The following TSHZ3 variants were observed in gnomAD, a reference collection of about 807,000 sequenced individuals.
The protein encoded by TSHZ3 is teashirt zinc finger homeobox 3, also known as teashirt homolog 3.
Under a neutral mutation model 64.5 loss-of-function variants are expected in TSHZ3, and 10 were observed. That is an observed-to-expected ratio of 0.16 (90% confidence interval 0.10 to 0.26). The LOEUF (loss-of-function observed/expected upper bound fraction) is 0.26. Ranked by LOEUF, TSHZ3 falls within the 10% of genes least tolerant of loss-of-function variation. The probability of loss-of-function intolerance (pLI) is 1.00; values close to 1 mark genes in which losing one functional copy is unlikely to be tolerated. For missense variants in TSHZ3, 1,242 were observed against 1,421.7 expected, an observed-to-expected ratio of 0.87 and a Z score of 2.03; for synonymous variants, 608 against 593.1, an observed-to-expected ratio of 1.03 and a Z score of -0.36.
intron 1 of TSHZ3, among the ~76,000 whole-genome samples, chr19:31,341,625 T>A (rs867894716): frequency 2.3e-5 from 3 of 131,326 alleles, no homozygotes; most frequent in East Asian, 4.8e-4. Context: ...TCTCTCTCTC[T>A]CTCTGACACA....
At chr19:31,269,724 C>T (rs1221688093) in intron 1 of TSHZ3, among the ~76,000 whole-genome samples, 1 of 152,164 alleles carries the variant, frequency 6.6e-6, no homozygotes, top group Non-Finnish European at 1.5e-5. Context: ...TGTTGAAATG[C>T]AGTAATTTAA....
chr19:31,279,407 G>A lies in TSHZ3; in HGVS notation c.386C>T (p.Ser129Phe). 1.2e-6 allele frequency: 2 copies of A among 1,614,236 alleles called. No homozygotes were observed. The highest frequency in any genetic ancestry group is 1.1e-5 in the South Asian group (1 of 91,084). The part of the protein sequence containing the change: ...KAVYNNFLSN[S>F]YWSNLNLNLH... Reference sequence around the variant, plus strand: ...GTTGAGGTTGAGGTTGGACCAGTAGGAGTTGGAGAGGAAGTTGTTGTACAC... The same window carrying A: ...GTTGAGGTTGAGGTTGGACCAGTAGAAGTTGGAGAGGAAGTTGTTGTACAC... The change falls in exon 2 of 2, where the codon TCC becomes TTC. Residue 129 changes from serine to phenylalanine, a missense_variant. Coordinates refer to ENST00000240587, the MANE Select transcript of TSHZ3 (RefSeq NM_020856.4). This position sits in a 1 kb window ranked among gnomAD's most constrained non-coding sequence, Gnocchi z 6.4.
Position 31,266,536 on chromosome 19 carries a change from G to T in TSHZ3, n.64-23661C>A, listed in dbSNP as rs548710341. Among the ~76,000 whole-genome samples, 4 of 152,188 alleles carry T rather than the reference G, an allele frequency of 2.6e-5. No homozygotes were observed. In the South Asian group the frequency reaches 8.3e-4, roughly 32 times the overall value. ...CCAGAAATTATTCAAGATGCACAAA[G>T]ATTCACCTACGAGCCCATTAACACG... On this transcript the variant is annotated intron_variant and non_coding_transcript_variant, in intron 1 of 6. Coordinates refer to the TSHZ3 transcript ENST00000651361.
chr19:31,171,866 A>G (rs1394626158), intron 5 of TSHZ3, among the ~76,000 whole-genome samples: 3 of 152,146 alleles, frequency 2.0e-5, no homozygotes, highest in African/African-American at 4.8e-5. Context: ...CTCAGAGGCC[A>G]GAGTTCCCTG....
chr19:31,197,686 A>T (rs910417420), intron 5 of TSHZ3, among the ~76,000 whole-genome samples: 1 of 152,006 alleles, frequency 6.6e-6, no homozygotes, highest in African/African-American at 2.4e-5. Flanking sequence ...ATCTATGTCC[A>T]CAAATTGGTA....
intron 5 of TSHZ3, among the ~76,000 whole-genome samples, chr19:31,169,804 G>C (rs567941518): frequency 2.6e-5 from 4 of 152,140 alleles, no homozygotes; most frequent in Non-Finnish European, 4.4e-5. Context: ...AAGACAGAAG[G>C]AATATCTGGG....
Position 31,161,199 on chromosome 19 carries a change from A to G in TSHZ3, n.810-4782T>C, listed in dbSNP as rs373226309. On this transcript the variant is annotated intron_variant and non_coding_transcript_variant, in intron 5 of 6. Coordinates refer to the TSHZ3 transcript ENST00000651361. ...GTACATCCATATCACCAAGAAAAAC[A>G]TTTTAAAAATTATTTTGGTGAGCCT... Among the ~76,000 whole-genome samples, 30 of 152,292 alleles carry G rather than the reference A, an allele frequency of 2.0e-4. No homozygotes were observed. In the East Asian group the frequency reaches 5.4e-3, roughly 27 times the overall value.
chr19:31,198,786 A>G (rs1332471282), intron 5 of TSHZ3, among the ~76,000 whole-genome samples: 3 of 152,210 alleles, frequency 2.0e-5, no homozygotes, highest in East Asian at 1.9e-4. Context: ...TCAAGGAAGG[A>G]CTAAATAAAG....
chr19:31,181,563 G>A (rs1974715608), intron 5 of TSHZ3, among the ~76,000 whole-genome samples: 1 of 152,124 alleles, frequency 6.6e-6, no homozygotes, highest in Non-Finnish European at 1.5e-5. Context: ...GCATTAAGGA[G>A]CTAGACTTAT....
At chr19:31,330,824 C>T (rs1238868365) in intron 1 of TSHZ3, among the ~76,000 whole-genome samples, 1 of 152,022 alleles carries the variant, frequency 6.6e-6, no homozygotes, top group Non-Finnish European at 1.5e-5. Context: ...TTCCTGTTGG[C>T]AGGGTCACAG....
At chr19:31,199,420 A>G (rs967025035) in intron 5 of TSHZ3, among the ~76,000 whole-genome samples, 12 of 149,348 alleles carry the variant, frequency 8.0e-5, no homozygotes, top group African/African-American at 3.0e-4. Context: ...AAAAAAAAAA[A>G]AAGAAAAGAA....
At chr19:31,220,722 A>T (rs1167626017) in intron 4 of TSHZ3, among the ~76,000 whole-genome samples, 2 of 152,208 alleles carry the variant, frequency 1.3e-5, no homozygotes, top group Non-Finnish European at 2.9e-5. Flanking sequence ...GAAGTGGTGC[A>T]CTTCACTTCC....
intron 1 of TSHZ3, among the ~76,000 whole-genome samples, chr19:31,265,397 CAAAAAAA>C (rs11432951): frequency 8.8e-5 from 3 of 34,276 alleles, no homozygotes; most frequent in African/African-American, 1.2e-4. Flanking sequence ...AACTCTGTCT[CAAAAAAA>C]AAAAAAAAAA....
At position 31,279,560 on chromosome 19, in the gene TSHZ3, A is replaced by T. The variant is rs762127774; in HGVS notation, c.233T>A (p.Ile78Asn). Residue 78 changes from isoleucine (I) to asparagine (N), a missense_variant, in exon 2 of 2, where the codon ATC becomes AAC. This residue lies in a region of TSHZ3 where 555 missense variants were observed against 704.0 expected (regional missense o/e 0.79). Coordinates refer to ENST00000240587, the MANE Select transcript of TSHZ3 (RefSeq NM_020856.4). This position sits in a 1 kb window ranked among gnomAD's most constrained non-coding sequence, Gnocchi z 6.4. ...SCHEMDSESH[I>N]SETSDRMADF... ...AGCCATTCGGTCACTGGTCTCACTG[A>T]TGTGTGACTCGCTGTCCATTTCATG... 1 of 1,610,258 alleles carries T rather than the reference A, an allele frequency of 6.2e-7. No homozygotes were observed. The highest frequency in any genetic ancestry group is 1.7e-5 in the Admixed American group (1 of 59,878).
chr19:31,193,161 C>A (rs1401432758), intron 5 of TSHZ3, among the ~76,000 whole-genome samples: 1 of 151,986 alleles, frequency 6.6e-6, no homozygotes, highest in African/African-American at 2.4e-5. Flanking sequence ...CCTTTTTTTT[C>A]TGAGCATTTT....
At chr19:31,311,183 T>C (rs768342718) in intron 1 of TSHZ3, among the ~76,000 whole-genome samples, 2 of 152,202 alleles carry the variant, frequency 1.3e-5, no homozygotes, top group Non-Finnish European at 2.9e-5. Context: ...CTGTTTTAGA[T>C]ACTCTTATAA....
intron 1 of TSHZ3, among the ~76,000 whole-genome samples, chr19:31,302,292 G>A (rs758936607): frequency 6.6e-6 from 1 of 152,154 alleles, no homozygotes; most frequent in South Asian, 2.1e-4. Context: ...TGGAAACATA[G>A]AGCCACAGAC....
intron 1 of TSHZ3, among the ~76,000 whole-genome samples, chr19:31,330,809 A>G (rs1181111846): frequency 6.6e-6 from 1 of 151,956 alleles, no homozygotes; most frequent in Non-Finnish European, 1.5e-5. Flanking sequence ...TTGTTTTCCC[A>G]GCACTTCCTG....
At chr19:31,283,994 C>T (rs951716478) in intron 1 of TSHZ3, among the ~76,000 whole-genome samples, 6 of 152,162 alleles carry the variant, frequency 3.9e-5, no homozygotes, top group Non-Finnish European at 5.9e-5. Flanking sequence ...GGGTAGGCAC[C>T]GTCCACCGAT....
Sources: gnomAD v4.1 joint callset for allele counts (sites outside exome capture counted in the v4.1 genomes callset) on GRCh38, gnomAD v4.1.1 for gene constraint, gnomAD v4.1.1 regional missense constraint, Gnocchi (gnomAD v3.1) non-coding constraint, MANE v1.5 for transcripts, NCBI Gene and HGNC (gene_info 2026-07-23, HGNC 2026-07-21) for gene names.